The following ANKS1A variants were observed in gnomAD, a reference collection of about 807,000 sequenced individuals.
ANKS1A encodes ankyrin repeat and sterile alpha motif domain containing 1A, also known as ankyrin repeat and SAM domain-containing protein 1A.
Under a neutral mutation model 120.3 loss-of-function variants are expected in ANKS1A, and 55 were observed. That is an observed-to-expected ratio of 0.46 (90% CI 0.37 to 0.57). ANKS1A has a LOEUF of 0.57. Among genes scored for constraint, ANKS1A ranks in the 20% least tolerant of loss-of-function variants. The pLI is 0.00. For missense variants in ANKS1A, 1,123 were observed against 1,480.3 expected (o/e 0.76, Z 3.96); for synonymous variants, 590 against 604.7 (o/e 0.98, Z 0.36).
In ANKS1A at chr6:35,086,263, A is replaced by G; in HGVS notation, c.3303+327A>G. ...TGTGTCTGTGTCTGCTTTGCTCTGC[A>G]CCCCAGGTGCCGCTGCCCCCCGATA... On this transcript the variant is annotated intron_variant, in intron 22 of 23. Transcript: ENST00000360359. The surrounding 1 kb of genome is among the most constrained non-coding windows in gnomAD (Gnocchi z 5.1). The G allele has an allele frequency of 7.4e-7, 1 of 1,348,602 alleles. No homozygotes were observed. The highest frequency in any genetic ancestry group is 9.7e-7 in the Non-Finnish European group (1 of 1,027,858). 83.5% of individuals were successfully genotyped at this position (1,348,602 alleles called of 1,614,324 possible).
chr6:34,978,991 G>A (rs1048829246), intron 3 of ANKS1A, among the ~76,000 whole-genome samples: 5 of 151,426 alleles, frequency 3.3e-5, no homozygotes, highest in Non-Finnish European at 5.9e-5. Flanking sequence ...CGCCTCCTGG[G>A]TTCACGCCAT....
intron 10 of ANKS1A, among the ~76,000 whole-genome samples, chr6:34,995,627 C>T (rs1772808333): frequency 6.6e-6 from 1 of 152,184 alleles, no homozygotes; most frequent in Non-Finnish European, 1.5e-5. Flanking sequence ...AATAGTTTTG[C>T]CTTTTCCAGA....
Position 35,089,398 on chromosome 6 carries a change from C to G in ANKS1A, c.*789C>G. On this transcript the variant is annotated 3_prime_UTR_variant, in exon 24 of 24. Transcript: ENST00000360359. Reference sequence around the variant, plus strand: ...CCCTGGCCTCTTACCTGTCAGTGATCGGAGCACTGCCCTGGGCTGGCCGGC... The same window carrying G: ...CCCTGGCCTCTTACCTGTCAGTGATGGGAGCACTGCCCTGGGCTGGCCGGC... The G allele has an allele frequency of 3.0e-6, 3 of 986,682 alleles. No individual in the cohort carries two copies. The highest frequency in any genetic ancestry group is 2.4e-6 in the Non-Finnish European group (2 of 830,578). The allele number at this position is 986,682 out of a possible 1,614,324, so 61.1% of individuals were successfully genotyped here. A position where few individuals can be genotyped will look rare whatever the true frequency, so the allele number is the denominator to read the frequency against.
At chr6:35,054,734 G>A (rs1416953976) in intron 12 of ANKS1A, among the ~76,000 whole-genome samples, 1 of 152,220 alleles carries the variant, frequency 6.6e-6, no homozygotes, top group East Asian at 1.9e-4. Context: ...CCCTAGTAGT[G>A]AGGCCAGCTT....
chr6:34,946,677 G>A (rs929036819), intron 1 of ANKS1A, among the ~76,000 whole-genome samples: 3 of 151,802 alleles, frequency 2.0e-5, no homozygotes, highest in Admixed American at 6.6e-5. Flanking sequence ...TGGGGTTTTC[G>A]TTCATGTTAT....
chr6:35,034,224 A>C (rs573701261), intron 11 of ANKS1A, among the ~76,000 whole-genome samples: 6 of 152,204 alleles, frequency 3.9e-5, no homozygotes, highest in Non-Finnish European at 8.8e-5. Flanking sequence ...GATCCACTGC[A>C]AATTGTGTAT....
Position 35,090,868 on chromosome 6 carries a change from C to G in ANKS1A, c.*2259C>G. Reference sequence around the variant, plus strand: ...CACAGGCTTCTTGTCCACCTCTTCTCCCCTGCCCACCAGCTGCTCAGCGCA... The same window carrying G: ...CACAGGCTTCTTGTCCACCTCTTCTGCCCTGCCCACCAGCTGCTCAGCGCA... On this transcript the variant is annotated 3_prime_UTR_variant, in exon 24 of 24. Coordinates refer to ENST00000360359, the MANE Select transcript of ANKS1A (RefSeq NM_015245.3). 1.0e-6 allele frequency: 1 copy of G among 985,800 alleles called. No homozygotes were observed. The highest frequency in any genetic ancestry group is 1.2e-6 in the Non-Finnish European group (1 of 830,210). The allele number at this position is 985,800 out of a possible 1,614,324, so 61.1% of individuals were successfully genotyped here. A position where few individuals can be genotyped will look rare whatever the true frequency, so the allele number is the denominator to read the frequency against.
chr6:35,074,161 G>T (rs1183198822), intron 13 of ANKS1A, among the ~76,000 whole-genome samples: 1 of 152,254 alleles, frequency 6.6e-6, no homozygotes, highest in Non-Finnish European at 1.5e-5. Context: ...GCTGGCGAAG[G>T]TTTCTGAGTC....
intron 11 of ANKS1A, among the ~76,000 whole-genome samples, chr6:35,035,199 G>C (rs1249399406): frequency 6.6e-6 from 1 of 152,182 alleles, no homozygotes; most frequent in Admixed American, 6.5e-5. Flanking sequence ...CTAGGTGCTG[G>C]GTGCAGGGGG....
At chr6:34,966,150 A>G (rs1232380457) in intron 1 of ANKS1A, among the ~76,000 whole-genome samples, 1 of 152,164 alleles carries the variant, frequency 6.6e-6, no homozygotes, top group Non-Finnish European at 1.5e-5. Flanking sequence ...AAAAGCAAGA[A>G]CTTTAAATCA....
intron 1 of ANKS1A, among the ~76,000 whole-genome samples, chr6:34,913,289 C>T (rs1309124613): frequency 2.0e-5 from 3 of 152,070 alleles, no homozygotes; most frequent in Non-Finnish European, 2.9e-5. Context: ...TTGACCCCAC[C>T]CCTACCCATT....
intron 11 of ANKS1A, among the ~76,000 whole-genome samples, chr6:35,029,718 A>G (rs1337508750): frequency 2.0e-5 from 3 of 148,576 alleles, no homozygotes; most frequent in Admixed American, 6.7e-5. Flanking sequence ...TATGTATATT[A>G]TTTGTATATA....
In ANKS1A at chr6:35,015,011, G is replaced by A. The variant is rs559157858; in HGVS notation, c.1424-2462G>A. On this transcript the variant is annotated intron_variant, in intron 10 of 23. Coordinates refer to ENST00000360359, the MANE Select transcript of ANKS1A (RefSeq NM_015245.3). ...CTGCCAGTTGTTATATGTAATATTC[G>A]TAGCCATGAGTCGTGGCTTCCTGGG... Among the ~76,000 whole-genome samples the A allele has an allele frequency of 5.9e-5, 9 of 152,266 alleles. 1 individual carries two copies. The highest frequency in any genetic ancestry group is 1.3e-4 in the Admixed American group (2 of 15,292).
At chr6:35,072,090 G>A (rs963996930) in intron 13 of ANKS1A, among the ~76,000 whole-genome samples, 7 of 152,256 alleles carry the variant, frequency 4.6e-5, no homozygotes, top group African/African-American at 1.4e-4. Flanking sequence ...ATATTAACAC[G>A]TGAGATGCCT....
In ANKS1A at chr6:35,018,022, T is replaced by A. The variant is rs1581652832; in HGVS notation, c.1973T>A (p.Leu658Gln). ...LSNCSIGKKR[L>Q]EKSPSFASEW... Reference sequence around the variant, plus strand: ...AACTGCAGCATTGGGAAGAAAAGGCTAGAGAAGTCACCCTCCTTCGCCTCG... The same window carrying A: ...AACTGCAGCATTGGGAAGAAAAGGCAAGAGAAGTCACCCTCCTTCGCCTCG... The change falls in exon 11 of 24, where the codon CTA becomes CAA. Residue 658 changes from leucine to glutamine, a missense_variant. Leu to Gln is a moderately radical substitution (Grantham distance 113). Coordinates refer to ENST00000360359, the MANE Select transcript of ANKS1A (RefSeq NM_015245.3). 1.2e-6 allele frequency: 2 copies of A among 1,614,018 alleles called. No individual in the cohort carries two copies. The highest frequency in any genetic ancestry group is 1.7e-6 in the Non-Finnish European group (2 of 1,180,012).
intron 1 of ANKS1A, among the ~76,000 whole-genome samples, chr6:34,954,627 A>G (rs1361225200): frequency 6.6e-6 from 1 of 152,192 alleles, no homozygotes; most frequent in Non-Finnish European, 1.5e-5. Context: ...AAGAGGGAGT[A>G]AATTTTTCCA....
intron 1 of ANKS1A, among the ~76,000 whole-genome samples, chr6:34,929,515 A>C (rs1768874091): frequency 6.6e-6 from 1 of 152,170 alleles, no homozygotes; most frequent in Non-Finnish European, 1.5e-5. Flanking sequence ...ACAGATATCT[A>C]TTCTAGTGGT....
intron 8 of ANKS1A, 150 bp from the exon 9 acceptor site, chr6:34,989,074 A>G (rs894799896): frequency 1.7e-6 from 1 of 597,986 alleles, no homozygotes; most frequent in Non-Finnish European, 2.9e-6. Context: ...AGAGTTCTCC[A>G]TCTGTTCAGA....
chr6:34,919,129 G>A (rs984983428), intron 1 of ANKS1A, among the ~76,000 whole-genome samples: 1 of 152,230 alleles, frequency 6.6e-6, no homozygotes, highest in African/African-American at 2.4e-5. Flanking sequence ...TGGGATTACA[G>A]GCATGAGTGC....
Sources: allele counts gnomAD v4.1 joint callset (sites outside exome capture counted in the v4.1 genomes callset), GRCh38; gene constraint gnomAD v4.1.1; non-coding constraint Gnocchi (gnomAD v3.1); transcripts MANE v1.5; gene names NCBI Gene and HGNC (gene_info 2026-07-23, HGNC 2026-07-21).